The following UNC13C variants were observed in gnomAD, a reference collection of about 807,000 sequenced individuals.
UNC13C encodes unc-13 homolog C.
Under a neutral mutation model 245.4 loss-of-function variants are expected in UNC13C, and 174 were observed. The observed-to-expected ratio is 0.71, with a 90% confidence interval of 0.63 to 0.80. The LOEUF is 0.80. Among genes scored for constraint, UNC13C ranks in the 30% least tolerant of loss-of-function variants. The pLI is 0.00. For synonymous variants in UNC13C, 992 were observed against 895.1 expected (o/e 1.11, Z -1.93); for missense variants, 2,829 against 2,602.9 (o/e 1.09, Z -1.89).
chr15:54,439,543 C>T (rs1890401614), intron 19 of UNC13C, among the ~76,000 whole-genome samples: 2 of 151,858 alleles, frequency 1.3e-5, no homozygotes, highest in South Asian at 4.1e-4. Context: ...TCTAGTCCTA[C>T]ATAAGCATAC....
At chr15:54,094,924 C>T (rs537953504) in intron 2 of UNC13C, among the ~76,000 whole-genome samples, 5 of 152,150 alleles carry the variant, frequency 3.3e-5, no homozygotes, top group Non-Finnish European at 7.3e-5. Flanking sequence ...AACTGCAATT[C>T]TCCCTTATCC....
intron 4 of UNC13C, among the ~76,000 whole-genome samples, chr15:54,227,633 G>T: frequency 6.6e-6 from 1 of 152,188 alleles, no homozygotes; most frequent in Non-Finnish European, 1.5e-5. Flanking sequence ...CTTGGCTTCA[G>T]CCTTGTTCCA....
chr15:53,935,150 C>T, the UNC13C span, among the ~76,000 whole-genome samples: 2 of 75,932 alleles, frequency 2.6e-5, no homozygotes, highest in Non-Finnish European at 8.3e-5. Context: ...CTTTTATCCT[C>T]CTGATTAAAA....
In UNC13C at chr15:54,264,369, A is replaced by C; in HGVS notation, c.3650A>C (p.Lys1217Thr). 1 of 1,600,194 alleles carries C rather than the reference A, an allele frequency of 6.2e-7. No homozygotes were observed. Among genetic ancestry groups the C allele is most frequent in the Non-Finnish European group, 8.5e-7 (1 of 1,172,696 alleles). The change falls in exon 9 of 33, where the codon AAG becomes ACG. Residue 1217 changes from lysine (K) to threonine (T), a missense_variant. Transcript: ENST00000260323. The part of the protein sequence containing the change: ...AKQSVLDGTS[K>T]WSAKITITVV... ...CAGAGTGTACTGGATGGGACATCTA[A>C]GTGGTCTGCAAAAATAACCATTACA...
intron 10 of UNC13C, among the ~76,000 whole-genome samples, chr15:54,278,008 T>C (rs1395323218): frequency 6.6e-6 from 1 of 152,084 alleles, no homozygotes; most frequent in Non-Finnish European, 1.5e-5. Context: ...TCCCCTTAGA[T>C]AACTTTCTGT....
intron 28 of UNC13C, 103 bp from the exon 29 acceptor site, chr15:54,555,329 A>T: frequency 1.2e-6 from 1 of 826,908 alleles, no homozygotes; most frequent in Non-Finnish European, 2.0e-6. Context: ...AGATATTTCA[A>T]ATAGGAAGTT....
At chr15:54,299,941 G>A (rs1025084095) in intron 12 of UNC13C, among the ~76,000 whole-genome samples, 27 of 152,104 alleles carry the variant, frequency 1.8e-4, no homozygotes, top group Admixed American at 5.9e-4. Flanking sequence ...CCTATCCAGA[G>A]CTATTATGAC....
At chr15:53,869,824 A>G in the UNC13C span, among the ~76,000 whole-genome samples, 2 of 152,082 alleles carry the variant, frequency 1.3e-5, no homozygotes, top group Non-Finnish European at 2.9e-5. Context: ...CCAGTTGCTA[A>G]CTCCCCAGAG....
chr15:53,851,383 C>A, the UNC13C span, among the ~76,000 whole-genome samples: 1 of 152,158 alleles, frequency 6.6e-6, no homozygotes, highest in African/African-American at 2.4e-5. Context: ...ACAGGAGCTA[C>A]CTTTACTTTA....
chr15:54,352,274 A>G (rs2038999561), intron 17 of UNC13C, among the ~76,000 whole-genome samples: 2 of 147,780 alleles, frequency 1.4e-5, no homozygotes, highest in African/African-American at 4.9e-5. Context: ...TATAACACAT[A>G]TATACATTTA....
chr15:54,030,862 A>C (rs572663746), intron 2 of UNC13C, among the ~76,000 whole-genome samples: 2 of 152,256 alleles, frequency 1.3e-5, no homozygotes, highest in African/African-American at 4.8e-5. Context: ...ATAAGAGCCC[A>C]AAATCCTATT....
intron 1 of UNC13C, among the ~76,000 whole-genome samples, chr15:54,005,314 A>T (rs1895086080): frequency 1.3e-5 from 2 of 152,170 alleles, no homozygotes; most frequent in South Asian, 2.1e-4. Context: ...TTTCCCTAAG[A>T]TTGGTCCTCC....
intron 7 of UNC13C, among the ~76,000 whole-genome samples, chr15:54,242,536 G>A (rs2035881320): frequency 6.6e-6 from 1 of 151,798 alleles, no homozygotes. Context: ...AAAACTGCAG[G>A]AAATTTCTCT....
At chr15:54,240,283 A>G (rs1225940362) in intron 7 of UNC13C, among the ~76,000 whole-genome samples, 2 of 152,234 alleles carry the variant, frequency 1.3e-5, no homozygotes, top group African/African-American at 2.4e-5. Context: ...ACTTCTGTAC[A>G]ACAGGCATAT....
chr15:54,046,136 C>T (rs531244371), intron 2 of UNC13C, among the ~76,000 whole-genome samples: 43 of 152,154 alleles, frequency 2.8e-4, no homozygotes, highest in South Asian at 1.0e-3. Context: ...CTACATAATA[C>T]CCCTTTCTGT....
chr15:54,034,694 TGA>T (rs1317644137), intron 2 of UNC13C, among the ~76,000 whole-genome samples: 1 of 152,210 alleles, frequency 6.6e-6, no homozygotes, highest in Non-Finnish European at 1.5e-5. Flanking sequence ...ACAGATTTGT[TGA>T]TACAAAACTA....
At chr15:54,182,830 C>G (rs1215354806) in intron 4 of UNC13C, among the ~76,000 whole-genome samples, 1 of 151,808 alleles carries the variant, frequency 6.6e-6, no homozygotes, top group Non-Finnish European at 1.5e-5. Context: ...GAGAAAATAT[C>G]TAGGTGGTTA....
chr15:54,552,454 A>G (rs867057942), intron 28 of UNC13C, among the ~76,000 whole-genome samples: 1,541 of 61,174 alleles, frequency 0.025, 102 homozygotes, highest in Admixed American at 0.079. Flanking sequence ...AATATATAAT[A>G]TAATTATATA....
the UNC13C span, among the ~76,000 whole-genome samples, chr15:53,957,801 T>C: frequency 6.6e-6 from 1 of 152,208 alleles, no homozygotes; most frequent in Non-Finnish European, 1.5e-5. Flanking sequence ...TTTCAGTAGA[T>C]GCTAGGAATA....
Sources: allele counts gnomAD v4.1 joint callset (sites outside exome capture counted in the v4.1 genomes callset), GRCh38; gene constraint gnomAD v4.1.1; transcripts MANE v1.5; gene names NCBI Gene and HGNC (gene_info 2026-07-23, HGNC 2026-07-21).